Variants in PRKCE observed in about 807,000 individuals in gnomAD.
The protein encoded by PRKCE is protein kinase C epsilon, also known as protein kinase C epsilon type.
In PRKCE, 16 loss-of-function variants were observed where a neutral mutation model predicts 85.4. The ratio of observed to expected loss-of-function variants is 0.19; its 90% CI spans 0.13 to 0.28. PRKCE has a LOEUF of 0.28. PRKCE is among the 10% of genes least tolerant of loss of function. PRKCE has a pLI of 1.00. For synonymous variants in PRKCE, 388 were observed against 371.5 expected (o/e 1.04, Z -0.51); for missense variants, 573 against 975.2 (o/e 0.59, Z 5.49).
chr2:45,952,479 C>T (rs1050397599), intron 2 of PRKCE, among the ~76,000 whole-genome samples: 1 of 152,112 alleles, frequency 6.6e-6, no homozygotes, highest in Non-Finnish European at 1.5e-5. Flanking sequence ...ATGGACTACA[C>T]GCAGAATTTA....
chr2:45,926,417 G>T (rs1011178603), intron 2 of PRKCE, among the ~76,000 whole-genome samples: 1 of 152,178 alleles, frequency 6.6e-6, no homozygotes, highest in African/African-American at 2.4e-5. Context: ...AGTTAGGTGA[G>T]TCCCCCCCAT....
intron 10 of PRKCE, among the ~76,000 whole-genome samples, chr2:46,071,624 C>A (rs1389983526): frequency 6.6e-6 from 1 of 152,172 alleles, no homozygotes; most frequent in Non-Finnish European, 1.5e-5. Flanking sequence ...TAAAAACGTC[C>A]ATGGAAGGAG....
At position 45,697,105 on chromosome 2, in the gene PRKCE, A is replaced by T. The variant is rs1558567237; in HGVS notation, c.348+44657A>T. Among the ~76,000 whole-genome samples the T allele has an allele frequency of 6.6e-6, 1 of 152,248 alleles. No homozygotes were observed. The highest frequency in any genetic ancestry group is 2.4e-5 in the African/African-American group (1 of 41,460). ...ATATTAAAGATTATCCCCTGATTGG[A>T]AAAGGTGGATGTTGTTCTAATACTT... On this transcript the variant is annotated intron_variant, in intron 1 of 14. Coordinates refer to ENST00000306156, the MANE Select transcript of PRKCE (RefSeq NM_005400.3). The surrounding 1 kb of genome is among the most constrained non-coding windows in gnomAD (Gnocchi z 4.2).
At chr2:45,715,931 T>G (rs1028504731) in intron 1 of PRKCE, among the ~76,000 whole-genome samples, 2 of 152,204 alleles carry the variant, frequency 1.3e-5, no homozygotes, top group Admixed American at 1.3e-4. Context: ...AAAGCACCCC[T>G]GAACTCTCCC....
At chr2:45,922,944 C>G (rs1294482767) in intron 2 of PRKCE, among the ~76,000 whole-genome samples, 1 of 152,182 alleles carries the variant, frequency 6.6e-6, no homozygotes, top group East Asian at 1.9e-4. Flanking sequence ...CACAAAAGAT[C>G]ATGTTTCGAT....
At chr2:45,903,174 A>T (rs1327743363) in intron 2 of PRKCE, among the ~76,000 whole-genome samples, 1 of 152,242 alleles carries the variant, frequency 6.6e-6, no homozygotes, top group Non-Finnish European at 1.5e-5. Flanking sequence ...ATTGGAAGGA[A>T]GTCAGAGGGA....
rs563015859 is a variant in PRKCE, at chr2:45,979,646, C to T, written c.607+636C>T. ...GAGCAGGGAGGTTTTCCTGTCTCCT[C>T]GCCAAGCACTGTTGGGTCTCACCCA... On this transcript the variant is annotated intron_variant, in intron 4 of 14. Coordinates refer to ENST00000306156, the MANE Select transcript of PRKCE (RefSeq NM_005400.3). 4.6e-4 allele frequency among the ~76,000 whole-genome samples: 70 copies of T among 152,248 alleles called. No homozygotes were observed. The South Asian group carries it at 7.9e-3, about 17-fold the overall frequency.
chr2:45,971,405 G>A (rs773156535), intron 2 of PRKCE, among the ~76,000 whole-genome samples: 9 of 151,754 alleles, frequency 5.9e-5, no homozygotes, highest in African/African-American at 9.7e-5. Flanking sequence ...TCTTTTTTTC[G>A]TTTTTTAGAA....
intron 6 of PRKCE, among the ~76,000 whole-genome samples, chr2:45,992,806 C>G (rs547926732): frequency 6.6e-6 from 1 of 152,262 alleles, no homozygotes; most frequent in African/African-American, 2.4e-5. Context: ...CAAGTCTCTC[C>G]AAATGACGGT....
At chr2:45,966,849 C>G (rs542833072) in intron 2 of PRKCE, among the ~76,000 whole-genome samples, 1 of 151,948 alleles carries the variant, frequency 6.6e-6, no homozygotes, top group Admixed American at 6.6e-5. Flanking sequence ...AAGGGAGCAT[C>G]GGAGCAGGTT....
At chr2:46,014,331 G>A (rs1277919441) in intron 10 of PRKCE, among the ~76,000 whole-genome samples, 1 of 152,154 alleles carries the variant, frequency 6.6e-6, no homozygotes, top group East Asian at 1.9e-4. Context: ...TTCCAGTCAA[G>A]ATCAAGTAGC....
chr2:46,115,293 C>T (rs759140686), intron 11 of PRKCE, among the ~76,000 whole-genome samples: 2 of 152,232 alleles, frequency 1.3e-5, no homozygotes, highest in African/African-American at 4.8e-5. Flanking sequence ...GCATTGCTGT[C>T]CATCCTGCCA....
rs3222422 is a variant in PRKCE, at chr2:46,038,651, T to TCACACA, written c.1437+28181_1437+28186dup. Among the ~76,000 whole-genome samples the TCACACA allele has an allele frequency of 8.4e-3, 1,083 of 128,712 alleles. 13 individuals carry two copies. The highest frequency in any genetic ancestry group is 0.016 in the African/African-American group (551 of 34,708). The allele number at this position is 128,712 out of a possible 152,430, so 84.4% of individuals were successfully genotyped here. ...ATGGAATTAAGGCATAGTAACAACT[T>TCACACA]CACACACACACACACACACACACAC... On this transcript the variant is annotated intron_variant, in intron 10 of 14. Transcript: ENST00000306156.
intron 1 of PRKCE, among the ~76,000 whole-genome samples, chr2:45,710,216 A>G (rs1390003817): frequency 6.6e-6 from 1 of 152,212 alleles, no homozygotes; most frequent in Non-Finnish European, 1.5e-5. Flanking sequence ...AGGTACTATC[A>G]CTATCCTCAT....
intron 6 of PRKCE, among the ~76,000 whole-genome samples, chr2:45,988,797 C>T (rs1013511488): frequency 1.3e-5 from 2 of 152,326 alleles, no homozygotes; most frequent in East Asian, 1.9e-4. Flanking sequence ...TCGCTAGTCT[C>T]GGGCATTTGT....
At chr2:46,136,781 G>A (rs528602376) in intron 11 of PRKCE, among the ~76,000 whole-genome samples, 20 of 152,228 alleles carry the variant, frequency 1.3e-4, no homozygotes, top group African/African-American at 4.1e-4. Context: ...TTGTGTTTCC[G>A]TGCACAGTGT....
intron 11 of PRKCE, among the ~76,000 whole-genome samples, chr2:46,093,446 A>T (rs1443123095): frequency 6.6e-6 from 1 of 152,008 alleles, no homozygotes; most frequent in Admixed American, 6.6e-5. Flanking sequence ...TCCCCTTCCA[A>T]AGAAGCAACC....
At chr2:45,918,015 G>A (rs1573872492) in intron 2 of PRKCE, among the ~76,000 whole-genome samples, 1 of 152,224 alleles carries the variant, frequency 6.6e-6, no homozygotes, top group Non-Finnish European at 1.5e-5. Flanking sequence ...TAGCTGGCCC[G>A]CTAGCGCCGC....
intron 2 of PRKCE, among the ~76,000 whole-genome samples, chr2:45,939,096 G>C (rs373143644): frequency 1.3e-5 from 2 of 152,108 alleles, no homozygotes; most frequent in Non-Finnish European, 2.9e-5. Context: ...AAATCTCCCC[G>C]TTGTTTCTTC....
Sources: allele counts gnomAD v4.1 joint callset (sites outside exome capture counted in the v4.1 genomes callset), GRCh38; gene constraint gnomAD v4.1.1; non-coding constraint Gnocchi (gnomAD v3.1); transcripts MANE v1.5; gene names NCBI Gene and HGNC (gene_info 2026-07-23, HGNC 2026-07-21).